Variants in DSCAM observed in about 807,000 individuals in gnomAD.
The protein encoded by DSCAM is DS cell adhesion molecule.
A neutral mutation model predicts 217.7 loss-of-function variants in DSCAM; 47 were observed. The ratio of observed to expected loss-of-function variants is 0.22; its 90% CI spans 0.17 to 0.28. The LOEUF (loss-of-function observed/expected upper bound fraction) is 0.28, where lower values mean the gene tolerates loss of function less well. Among genes scored for constraint, DSCAM ranks in the 10% least tolerant of loss-of-function variants. The pLI, the probability that DSCAM is intolerant of heterozygous loss-of-function variation, is 1.00. For synonymous variants in DSCAM, 1,056 were observed against 1,015.3 expected, an observed-to-expected ratio of 1.04 and a Z score of -0.76; for missense variants, 2,080 against 2,618.3, an observed-to-expected ratio of 0.79 and a Z score of 4.49.
chr21:40,508,039 G>T (rs1011561342), intron 3 of DSCAM, among the ~76,000 whole-genome samples: 1 of 152,128 alleles, frequency 6.6e-6, no homozygotes, highest in African/African-American at 2.4e-5. Flanking sequence ...TTCCTAAGTG[G>T]AGCCACCCTA....
chr21:40,072,399 T>A (rs1306694842), intron 27 of DSCAM, among the ~76,000 whole-genome samples: 8 of 148,470 alleles, frequency 5.4e-5, no homozygotes, highest in African/African-American at 1.8e-4. Flanking sequence ...CAGGCTGGAG[T>A]GCAGTGGCGG....
rs201672838 is a variant in DSCAM at position 40,121,681 on chromosome 21, C to CTTTTTTTTTTTTTTT, written c.3696+2499_3696+2513dup. 1.8e-3 allele frequency among the ~76,000 whole-genome samples: 130 copies of CTTTTTTTTTTTTTTT among 73,736 alleles called. 21 individuals carry two copies. Among genetic ancestry groups the CTTTTTTTTTTTTTTT allele is most frequent in the African/African-American group, 2.9e-3 (50 of 17,396 alleles). The allele number at this position is 73,736 out of a possible 152,430, so 48.4% of individuals were successfully genotyped here. A position where few individuals can be genotyped will look rare whatever the true frequency, so the allele number is the denominator to read the frequency against. On this transcript the variant is annotated intron_variant, in intron 20 of 32. Coordinates refer to ENST00000400454, the MANE Select transcript of DSCAM (RefSeq NM_001389.5). ...CTGGTGGGTTTGCTCTCATTACTGT[C>CTTTTTTTTTTTTTTT]TTTTTTTTTTTTTTTTTTTTTTTTT...
chr21:40,342,648 A>ATATATATATATATATATATATTTT (rs61637421), intron 6 of DSCAM, among the ~76,000 whole-genome samples: 1 of 80,316 alleles, frequency 1.2e-5, no homozygotes, highest in African/African-American at 5.2e-5. Context: ...ATATATATAT[A>ATATATATATATATATATATATTTT]TTTTTTTTTT....
intron 1 of DSCAM, among the ~76,000 whole-genome samples, chr21:40,730,312 A>G (rs1400626554): frequency 6.6e-6 from 1 of 152,188 alleles, no homozygotes; most frequent in Non-Finnish European, 1.5e-5. Flanking sequence ...GGCTGTTGCA[A>G]ATGAATCCTG....
intron 32 of DSCAM, among the ~76,000 whole-genome samples, chr21:40,018,050 CTT>C (rs2088196446): frequency 6.7e-6 from 1 of 149,810 alleles, no homozygotes; most frequent in South Asian, 2.1e-4. Context: ...GTTTTTAAAA[CTT>C]TATGAAACTT....
At chr21:40,366,906 T>C (rs956136898) in intron 4 of DSCAM, among the ~76,000 whole-genome samples, 5 of 152,182 alleles carry the variant, frequency 3.3e-5, no homozygotes, top group African/African-American at 1.2e-4. Flanking sequence ...GTATTTTCTT[T>C]TGCAGTATTT....
At chr21:40,556,915 C>T (rs897453106) in intron 3 of DSCAM, among the ~76,000 whole-genome samples, 2 of 152,040 alleles carry the variant, frequency 1.3e-5, no homozygotes, top group Non-Finnish European at 2.9e-5. Context: ...CCATCCTCAT[C>T]ATCTTCTCAT....
At chr21:40,349,135 T>TAAAAA (rs2074600129) in intron 5 of DSCAM, among the ~76,000 whole-genome samples, 1 of 15,378 alleles carries the variant, frequency 6.5e-5, no homozygotes, top group African/African-American at 4.0e-4. Flanking sequence ...AGACTCCATC[T>TAAAAA]CAAAAAAAAA....
chr21:40,642,236 T>C (rs1160553969), intron 3 of DSCAM, among the ~76,000 whole-genome samples: 1 of 152,048 alleles, frequency 6.6e-6, no homozygotes, highest in African/African-American at 2.4e-5. Context: ...GTGTTCCTCA[T>C]GATGCAGGCT....
At chr21:40,515,736 C>G (rs2076294218) in intron 3 of DSCAM, among the ~76,000 whole-genome samples, 1 of 152,100 alleles carries the variant, frequency 6.6e-6, no homozygotes, top group African/African-American at 2.4e-5. Flanking sequence ...CCCAGGAGAG[C>G]TTCACACTCA....
At chr21:40,337,108 T>C (rs577956759) in intron 8 of DSCAM, among the ~76,000 whole-genome samples, 3 of 152,308 alleles carry the variant, frequency 2.0e-5, no homozygotes, top group East Asian at 1.9e-4. Flanking sequence ...ATTATTTCCA[T>C]GTGTGTGTGT....
chr21:40,562,463 G>T (rs926556648), intron 3 of DSCAM, among the ~76,000 whole-genome samples: 1 of 152,076 alleles, frequency 6.6e-6, no homozygotes, highest in Non-Finnish European at 1.5e-5. Context: ...GTTCTTCATA[G>T]CAATGTACTT....
intron 3 of DSCAM, among the ~76,000 whole-genome samples, chr21:40,685,157 G>A (rs935803391): frequency 4.6e-5 from 7 of 152,220 alleles, no homozygotes; most frequent in African/African-American, 1.7e-4. Context: ...TTCATGATGA[G>A]CATATGCAAA....
intron 26 of DSCAM, among the ~76,000 whole-genome samples, chr21:40,076,082 G>C (rs117136958): frequency 1.3e-5 from 2 of 152,196 alleles, no homozygotes; most frequent in East Asian, 3.9e-4. Flanking sequence ...AAAAGAGAAT[G>C]CAAAAATAAT....
chr21:40,280,938 C>G (rs2073752500), intron 10 of DSCAM, among the ~76,000 whole-genome samples: 1 of 152,134 alleles, frequency 6.6e-6, no homozygotes, highest in South Asian at 2.1e-4. Flanking sequence ...AGTCAACAGT[C>G]TGAGAAAGTA....
At chr21:40,381,769 T>C (rs904020692) in intron 3 of DSCAM, among the ~76,000 whole-genome samples, 2 of 152,186 alleles carry the variant, frequency 1.3e-5, no homozygotes, top group African/African-American at 4.8e-5. Context: ...TTTTCACACT[T>C]TGGGTTCACC....
intron 3 of DSCAM, among the ~76,000 whole-genome samples, chr21:40,501,943 T>C (rs1727662591): frequency 6.6e-6 from 1 of 152,224 alleles, no homozygotes; most frequent in South Asian, 2.1e-4. Context: ...AATTTTGCTT[T>C]TGAATTGTAT....
chr21:40,738,320 CA>C (rs1016907478), intron 1 of DSCAM, among the ~76,000 whole-genome samples: 2 of 152,208 alleles, frequency 1.3e-5, no homozygotes, highest in African/African-American at 4.8e-5. Flanking sequence ...CTAAAGCAAA[CA>C]GTGGGAAAGA....
chr21:40,780,860 T>C (rs1365467615), intron 1 of DSCAM, among the ~76,000 whole-genome samples: 1 of 152,166 alleles, frequency 6.6e-6, no homozygotes, highest in Non-Finnish European at 1.5e-5. Flanking sequence ...TATGGGACCC[T>C]AGCAGACTAG....
Sources: gnomAD v4.1 joint callset for allele counts (sites outside exome capture counted in the v4.1 genomes callset) on GRCh38, gnomAD v4.1.1 for gene constraint, MANE v1.5 for transcripts, NCBI Gene and HGNC (gene_info 2026-07-23, HGNC 2026-07-21) for gene names.